GALNT13: variants seen among roughly 807,000 people sequenced by gnomAD.
GALNT13 encodes UDP-GalNAc:polypeptide N-acetylgalactosaminyltransferase 13.
Under a neutral mutation model 64.2 loss-of-function variants are expected in GALNT13, and 28 were observed. The ratio of observed to expected loss-of-function variants is 0.44; its 90% CI spans 0.32 to 0.60. The LOEUF (loss-of-function observed/expected upper bound fraction) is 0.60. GALNT13 is among the 20% of genes least tolerant of loss of function. GALNT13 has a pLI of 0.05. For missense variants in GALNT13, 577 were observed against 669.8 expected, an observed-to-expected ratio of 0.86 and a Z score of 1.53; for synonymous variants, 214 against 224.6, an observed-to-expected ratio of 0.95 and a Z score of 0.42.
At chr2:154,420,915 A>T (rs751202298) in intron 11 of GALNT13, among the ~76,000 whole-genome samples, 2 of 152,090 alleles carry the variant, frequency 1.3e-5, no homozygotes, top group Non-Finnish European at 2.9e-5. Flanking sequence ...TGTACCTGTG[A>T]TTGTCTTCAT....
chr2:153,869,665 A>AATC (rs1402691774), upstream of GALNT13, among the ~76,000 whole-genome samples: 155 of 152,252 alleles, frequency 1.0e-3, no homozygotes, highest in African/African-American at 3.3e-3. Context: ...GGTTAAGGTG[A>AATC]TGTTTACCAG....
chr2:153,512,756 G>T, the GALNT13 span, among the ~76,000 whole-genome samples: 11 of 151,548 alleles, frequency 7.3e-5, no homozygotes, highest in East Asian at 2.3e-3. Context: ...TGCTTTTGAG[G>T]GGTAAAAAAG....
chr2:153,868,062 A>G (rs906486467), upstream of GALNT13, among the ~76,000 whole-genome samples: 2 of 152,116 alleles, frequency 1.3e-5, no homozygotes, highest in African/African-American at 2.4e-5. Flanking sequence ...GGCAGGATCT[A>G]TATCTTTTTT....
At chr2:154,442,649 G>A (rs1455024957) in intron 12 of GALNT13, among the ~76,000 whole-genome samples, 2 of 152,002 alleles carry the variant, frequency 1.3e-5, no homozygotes, top group Non-Finnish European at 2.9e-5. Context: ...TAATTCTATT[G>A]TTTTCAGGTG....
intron 3 of GALNT13, among the ~76,000 whole-genome samples, chr2:154,007,866 A>G (rs550633965): frequency 1.3e-5 from 2 of 152,042 alleles, no homozygotes; most frequent in South Asian, 2.1e-4. Context: ...TAGGTTGTCT[A>G]TTACCAACTA....
intron 9 of GALNT13, among the ~76,000 whole-genome samples, chr2:154,367,716 T>C (rs1337166599): frequency 6.6e-6 from 1 of 152,118 alleles, no homozygotes; most frequent in Non-Finnish European, 1.5e-5. Flanking sequence ...TCTTATAATG[T>C]AAAAAAAGAG....
At chr2:153,598,115 A>C in the GALNT13 span, among the ~76,000 whole-genome samples, 2 of 152,130 alleles carry the variant, frequency 1.3e-5, no homozygotes, top group Non-Finnish European at 2.9e-5. Context: ...ATGTAAACCC[A>C]AAACAGATCA....
At chr2:153,611,084 G>C in the GALNT13 span, among the ~76,000 whole-genome samples, 37,719 of 152,004 alleles carry the variant, frequency 0.25, 4,959 homozygotes, top group South Asian at 0.41. Context: ...ATTATTATTT[G>C]ACTTAAATGG....
At chr2:154,403,886 C>T (rs988803715) in intron 10 of GALNT13, among the ~76,000 whole-genome samples, 1 of 152,142 alleles carries the variant, frequency 6.6e-6, no homozygotes, top group Non-Finnish European at 1.5e-5. Flanking sequence ...CCATAGAATA[C>T]CTTTACGTTT....
At chr2:153,839,161 T>C in the GALNT13 span, among the ~76,000 whole-genome samples, 62 of 152,046 alleles carry the variant, frequency 4.1e-4, no homozygotes, top group African/African-American at 1.3e-3. Context: ...AATTTTTTTG[T>C]GCATGTAATG....
chr2:154,330,950 T>A (rs1695133432), intron 9 of GALNT13, among the ~76,000 whole-genome samples: 1 of 152,150 alleles, frequency 6.6e-6, no homozygotes, highest in Admixed American at 6.6e-5. Flanking sequence ...AATTTATGAT[T>A]TCCCTAGTCT....
chr2:154,223,083 A>G (rs1688399717), intron 4 of GALNT13, among the ~76,000 whole-genome samples: 2 of 152,184 alleles, frequency 1.3e-5, no homozygotes, highest in Admixed American at 1.3e-4. Flanking sequence ...TTATTTGAAG[A>G]TAGAATCTGG....
the GALNT13 span, among the ~76,000 whole-genome samples, chr2:153,626,212 A>C: frequency 6.6e-6 from 1 of 152,132 alleles, no homozygotes; most frequent in South Asian, 2.1e-4. Context: ...AAATTTACTC[A>C]TGGAGTACAC....
chr2:153,148,485 T>C, the GALNT13 span, among the ~76,000 whole-genome samples: 1 of 151,636 alleles, frequency 6.6e-6, no homozygotes. Flanking sequence ...TTTCTTTTTT[T>C]TTTTTTTGCT....
At chr2:154,075,105 A>C (rs1700920080) in intron 3 of GALNT13, among the ~76,000 whole-genome samples, 1 of 151,862 alleles carries the variant, frequency 6.6e-6, no homozygotes, top group Non-Finnish European at 1.5e-5. Flanking sequence ...AGAGGAAGAC[A>C]AGCTATCTCT....
At chr2:153,780,670 G>T in the GALNT13 span, among the ~76,000 whole-genome samples, 1 of 152,120 alleles carries the variant, frequency 6.6e-6, no homozygotes, top group African/African-American at 2.4e-5. Flanking sequence ...TCCACGTGGA[G>T]GAACTACAGA....
At chr2:154,228,731 G>C (rs1464639524) in intron 4 of GALNT13, among the ~76,000 whole-genome samples, 1 of 152,126 alleles carries the variant, frequency 6.6e-6, no homozygotes, top group Non-Finnish European at 1.5e-5. Flanking sequence ...CAGGAACTAG[G>C]GAGGAGTAAG....
the GALNT13 span, among the ~76,000 whole-genome samples, chr2:153,804,673 TA>T: frequency 6.6e-6 from 1 of 152,062 alleles, no homozygotes; most frequent in Admixed American, 6.6e-5. Flanking sequence ...TCAGAGTAAA[TA>T]ACATGGAAAT....
At chr2:153,950,867 C>T (rs922104755) in intron 3 of GALNT13, among the ~76,000 whole-genome samples, 1 of 152,146 alleles carries the variant, frequency 6.6e-6, no homozygotes, top group East Asian at 1.9e-4. Flanking sequence ...CAAACCTGAG[C>T]ATCGCACAAT....
Sources: gnomAD v4.1 joint callset for allele counts (sites outside exome capture counted in the v4.1 genomes callset) on GRCh38, gnomAD v4.1.1 for gene constraint, MANE v1.5 for transcripts, NCBI Gene and HGNC (gene_info 2026-07-23, HGNC 2026-07-21) for gene names.